The following ZSWIM6 variants were observed in gnomAD, a reference collection of about 807,000 sequenced individuals.
The protein encoded by ZSWIM6 is zinc finger SWIM domain-containing protein 6.
In ZSWIM6, 9 loss-of-function variants were observed where a neutral mutation model predicts 113.2. The observed-to-expected ratio is 0.08, with a 90% CI of 0.05 to 0.14. The LOEUF (loss-of-function observed/expected upper bound fraction) is 0.14. ZSWIM6 is among the 10% of genes least tolerant of loss of function. The pLI, the probability that ZSWIM6 is intolerant of heterozygous loss-of-function variation, is 1.00. For synonymous variants in ZSWIM6, 611 were observed against 606.5 expected, an observed-to-expected ratio of 1.01 and a Z score of -0.11; for missense variants, 1,162 against 1,552.2, an observed-to-expected ratio of 0.75 and a Z score of 4.22.
intron 1 of ZSWIM6, among the ~76,000 whole-genome samples, chr5:61,385,521 C>T (rs1276013063): frequency 2.6e-5 from 4 of 152,208 alleles, no homozygotes; most frequent in Non-Finnish European, 4.4e-5. Flanking sequence ...ACCATTGTGA[C>T]CTGGGGCCAG....
intron 4 of ZSWIM6, among the ~76,000 whole-genome samples, chr5:61,506,900 A>G (rs1342863798): frequency 2.0e-5 from 3 of 152,208 alleles, no homozygotes; most frequent in Admixed American, 6.5e-5. Context: ...AAGCCTGGGA[A>G]ATACCAAAAG....
intron 1 of ZSWIM6, among the ~76,000 whole-genome samples, chr5:61,333,411 CT>C (rs1384361847): frequency 1.3e-5 from 2 of 151,908 alleles, no homozygotes; most frequent in African/African-American, 2.4e-5. Context: ...CGCTCCCCCC[CT>C]CTCCCACTGC....
chr5:61,532,395 G>T (rs1212531813), intron 9 of ZSWIM6, among the ~76,000 whole-genome samples: 1 of 152,288 alleles, frequency 6.6e-6, no homozygotes, highest in East Asian at 1.9e-4. Context: ...AAAGGTAAAT[G>T]TAATTCATGT....
chr5:61,466,175 G>A (rs573645091), intron 1 of ZSWIM6, among the ~76,000 whole-genome samples: 1 of 152,186 alleles, frequency 6.6e-6, no homozygotes, highest in East Asian at 1.9e-4. Context: ...TAGATTATGT[G>A]CAATAGTTCT....
intron 1 of ZSWIM6, among the ~76,000 whole-genome samples, chr5:61,389,569 A>G (rs1404696863): frequency 1.3e-5 from 2 of 151,600 alleles, no homozygotes; most frequent in Non-Finnish European, 2.9e-5. Context: ...AAAAAAAAAA[A>G]AAAAAAAAGA....
intron 1 of ZSWIM6, among the ~76,000 whole-genome samples, chr5:61,431,291 T>C (rs946288785): frequency 1.4e-5 from 2 of 142,910 alleles, no homozygotes; most frequent in African/African-American, 5.4e-5. Context: ...GGGAATCGCT[T>C]GAATCTGGGA....
intron 1 of ZSWIM6, among the ~76,000 whole-genome samples, chr5:61,437,387 A>C (rs1746731691): frequency 6.6e-6 from 1 of 152,174 alleles, no homozygotes; most frequent in Admixed American, 6.5e-5. Flanking sequence ...ACTGATCTAC[A>C]TCACATCAGC....
chr5:61,497,717 A>G (rs1748360372), intron 4 of ZSWIM6, among the ~76,000 whole-genome samples: 1 of 152,206 alleles, frequency 6.6e-6, no homozygotes, highest in Admixed American at 6.5e-5. Flanking sequence ...CAAGATGAGT[A>G]ATGTTGTATC....
At chr5:61,333,367 C>T (rs1198896191) in intron 1 of ZSWIM6, among the ~76,000 whole-genome samples, 1 of 151,928 alleles carries the variant, frequency 6.6e-6, no homozygotes, top group Non-Finnish European at 1.5e-5. Context: ...GGGCGCGGGC[C>T]GCAGACAATG....
chr5:61,371,609 G>A (rs2112068137), intron 1 of ZSWIM6, among the ~76,000 whole-genome samples: 1 of 152,290 alleles, frequency 6.6e-6, no homozygotes, highest in East Asian at 1.9e-4. Context: ...TCCTAAAGGT[G>A]AGTTTTATAT....
chr5:61,371,234 C>T (rs1745255530), intron 1 of ZSWIM6, among the ~76,000 whole-genome samples: 1 of 152,124 alleles, frequency 6.6e-6, no homozygotes, highest in African/African-American at 2.4e-5. Flanking sequence ...CTTTTACCTC[C>T]TTACTCCACC....
chr5:61,424,746 G>T (rs62368663), intron 1 of ZSWIM6, among the ~76,000 whole-genome samples: 1 of 143,770 alleles, frequency 7.0e-6, no homozygotes, highest in Non-Finnish European at 1.5e-5. Context: ...TTTTTTTTTG[G>T]AGATGGAGTT....
chr5:61,336,042 C>G (rs920355246), intron 1 of ZSWIM6, among the ~76,000 whole-genome samples: 2 of 152,046 alleles, frequency 1.3e-5, no homozygotes, highest in Non-Finnish European at 2.9e-5. Context: ...GTGGGTGGAT[C>G]GCTTGAGCTC....
Position 61,535,564 on chromosome 5 carries a change from T to G in ZSWIM6, c.2326T>G (p.Ser776Ala). The G allele has an allele frequency of 6.4e-7, 1 of 1,551,332 alleles. No homozygotes were observed. The highest frequency in any genetic ancestry group is 8.7e-7 in the Non-Finnish European group (1 of 1,146,748). The change falls in exon 10 of 14, where the codon TCT (serine) becomes GCT (alanine). Residue 776 changes from serine (S) to alanine (A), a missense_variant. Ser to Ala is a moderately conservative substitution (Grantham distance 99). Coordinates refer to ENST00000252744, the MANE Select transcript of ZSWIM6 (RefSeq NM_020928.2). The stretch of plus-strand genomic sequence containing the variant: ...CACATTTGCCAAGTATCTCTTCACC[T>G]CTCTCCTACCTCACGATGCTGAATT... ...MHTFAKYLFTSLLPHDAELAY... is the reference protein window; with the variant it reads ...MHTFAKYLFTALLPHDAELAY...
At chr5:61,333,064 CG>C (rs1744301064) in intron 1 of ZSWIM6, 116 bp downstream of exon 1, 1 of 1,015,844 alleles carries the variant, frequency 9.8e-7, no homozygotes, top group Admixed American at 5.5e-5. Flanking sequence ...CGCACCCCTG[CG>C]GGTGTCCTCA....
chr5:61,356,982 G>GT (rs1405005984), intron 1 of ZSWIM6, among the ~76,000 whole-genome samples: 3 of 151,486 alleles, frequency 2.0e-5, no homozygotes, highest in African/African-American at 7.3e-5. Context: ...TCAATTCTTT[G>GT]TTTTTTGTAG....
chr5:61,492,766 A>T (rs1415468039), intron 3 of ZSWIM6, among the ~76,000 whole-genome samples: 1 of 152,076 alleles, frequency 6.6e-6, no homozygotes, highest in Non-Finnish European at 1.5e-5. Flanking sequence ...ATAAAGCTCA[A>T]ATTCTAAAGC....
chr5:61,342,894 A>G (rs1744577809), intron 1 of ZSWIM6, among the ~76,000 whole-genome samples: 1 of 152,102 alleles, frequency 6.6e-6, no homozygotes, highest in South Asian at 2.1e-4. Context: ...AAAAACTACT[A>G]CATTAAAAAA....
At chr5:61,528,122 G>A (rs904981274) in intron 7 of ZSWIM6, among the ~76,000 whole-genome samples, 5 of 151,726 alleles carry the variant, frequency 3.3e-5, no homozygotes, top group African/African-American at 9.7e-5. Flanking sequence ...TTGTTTTTCC[G>A]TATTTTAAAA....
Sources: gnomAD v4.1 joint callset for allele counts (sites outside exome capture counted in the v4.1 genomes callset) on GRCh38, gnomAD v4.1.1 for gene constraint, MANE v1.5 for transcripts, NCBI Gene and HGNC (gene_info 2026-07-23, HGNC 2026-07-21) for gene names.